The following SMARCC1 variants were observed in gnomAD, a reference collection of about 807,000 sequenced individuals.
SMARCC1 encodes the protein SWI/SNF complex subunit SMARCC1.
In SMARCC1, 43 loss-of-function variants were observed where a neutral mutation model predicts 147.4. The observed-to-expected ratio is 0.29, with a 90% CI of 0.23 to 0.38. SMARCC1 has a LOEUF of 0.38. Ranked by LOEUF, SMARCC1 falls within the 10% of genes least tolerant of loss-of-function variation. SMARCC1 has a pLI of 1.00. For missense variants in SMARCC1, 1,119 were observed against 1,381.1 expected (o/e 0.81, Z 3.01); for synonymous variants, 495 against 484.4 (o/e 1.02, Z -0.29).
intron 21 of SMARCC1, among the ~76,000 whole-genome samples, chr3:47,640,594 T>C (rs982265097): frequency 6.6e-6 from 1 of 152,132 alleles, no homozygotes; most frequent in East Asian, 1.9e-4. Context: ...GAAACAACTA[T>C]AAAACTTAAA....
intron 1 of SMARCC1, 128 bp downstream of exon 1, chr3:47,781,475 C>T: frequency 1.8e-6 from 1 of 563,464 alleles, no homozygotes; most frequent in Non-Finnish European, 2.6e-6. Flanking sequence ...GCGTGGCGGG[C>T]CCGGCGCCTG....
chr3:47,750,787 T>C (rs1254475482), intron 2 of SMARCC1, among the ~76,000 whole-genome samples: 1 of 152,168 alleles, frequency 6.6e-6, no homozygotes, highest in East Asian at 1.9e-4. Context: ...CTCAGAAATA[T>C]ATACTGAGCT....
At chr3:47,617,150 T>C (rs2032657202) in intron 25 of SMARCC1, among the ~76,000 whole-genome samples, 2 of 152,352 alleles carry the variant, frequency 1.3e-5, no homozygotes, top group Non-Finnish European at 1.5e-5. Context: ...AAGTACTAGA[T>C]AAATACAAAG....
intron 2 of SMARCC1, among the ~76,000 whole-genome samples, chr3:47,755,176 A>G (rs2034680860): frequency 6.6e-6 from 1 of 152,142 alleles, no homozygotes; most frequent in African/African-American, 2.4e-5. Flanking sequence ...GCACCACTGC[A>G]CTTCAGTCTG....
At chr3:47,738,292 A>T (rs2034469494) in intron 3 of SMARCC1, among the ~76,000 whole-genome samples, 182 bp from the exon 4 acceptor site, 1 of 152,202 alleles carries the variant, frequency 6.6e-6, no homozygotes, top group Non-Finnish European at 1.5e-5. Context: ...TATAAAAGAG[A>T]TATTAAGATC....
intron 2 of SMARCC1, among the ~76,000 whole-genome samples, chr3:47,759,642 A>G (rs1486364172): frequency 2.7e-5 from 4 of 149,882 alleles, no homozygotes; most frequent in Non-Finnish European, 5.9e-5. Flanking sequence ...AAAAAGAAAA[A>G]GAAAAAATTT....
At chr3:47,711,637 T>G (rs1489761133) in intron 8 of SMARCC1, among the ~76,000 whole-genome samples, 1 of 152,192 alleles carries the variant, frequency 6.6e-6, no homozygotes, top group Non-Finnish European at 1.5e-5. Context: ...ACTGTGGCAA[T>G]GACTAGAAAA....
intron 1 of SMARCC1, among the ~76,000 whole-genome samples, chr3:47,780,155 T>C (rs573409519): frequency 1.5e-5 from 2 of 136,520 alleles, no homozygotes; most frequent in South Asian, 4.7e-4. Flanking sequence ...TTCTGGGTCT[T>C]TGGTTTTTTT....
Position 47,678,101 on chromosome 3 carries a change from C to G in SMARCC1, c.1571+97G>C, listed in dbSNP as rs922552031. 12 of 568,630 alleles carry G rather than the reference C, an allele frequency of 2.1e-5. No homozygotes were observed. In the African/African-American group the frequency reaches 2.1e-4, roughly 10 times the overall value. The allele number at this position is 568,630 out of a possible 1,614,324, so 35.2% of individuals were successfully genotyped here. A position where few individuals can be genotyped will look rare whatever the true frequency, so the allele number is the denominator to read the frequency against. ...GGCATAACTAAAATTAGGTGTTTTA[C>G]CCAGTTGAAACAACCAGTTTAATCA... On this transcript the variant is annotated intron_variant, in intron 16 of 27. Coordinates refer to ENST00000254480, the MANE Select transcript of SMARCC1 (RefSeq NM_003074.4).
intron 7 of SMARCC1, among the ~76,000 whole-genome samples, chr3:47,716,023 A>C (rs1250862103): frequency 6.6e-6 from 1 of 151,810 alleles, no homozygotes; most frequent in African/African-American, 2.4e-5. Flanking sequence ...CACTGTGAAT[A>C]TCACTATACT....
At chr3:47,663,506 G>T in intron 19 of SMARCC1, 1 of 705,938 alleles carries the variant, frequency 1.4e-6, no homozygotes, top group East Asian at 2.6e-5. Flanking sequence ...AGCTACTCAG[G>T]GGGCTGAGGC....
intron 25 of SMARCC1, among the ~76,000 whole-genome samples, chr3:47,619,385 G>GTATA (rs1223828106): frequency 6.6e-6 from 1 of 152,212 alleles, no homozygotes; most frequent in East Asian, 1.9e-4. Context: ...CCCTCAAAAA[G>GTATA]TATATACTCT....
chr3:47,664,122 G>A (rs1312777230), intron 19 of SMARCC1, among the ~76,000 whole-genome samples: 2 of 146,192 alleles, frequency 1.4e-5, no homozygotes, highest in African/African-American at 2.5e-5. Context: ...TTGTTTGAAT[G>A]TTACATACTT....
intron 21 of SMARCC1, among the ~76,000 whole-genome samples, chr3:47,648,433 C>CTGGA (rs1421363670): frequency 2.0e-5 from 3 of 152,148 alleles, no homozygotes; most frequent in African/African-American, 7.2e-5. Context: ...GTCACCCAGG[C>CTGGA]TGGAGTACAG....
Position 47,710,814 on chromosome 3 carries a change from A to G in SMARCC1, c.793-6T>C. Reference sequence around the variant, plus strand: ...AAAATCCATTTCACATGAACCTAAAACCATATCAAAGCATCAATATCTACA... The same window carrying G: ...AAAATCCATTTCACATGAACCTAAAGCCATATCAAAGCATCAATATCTACA... On this transcript the variant is annotated splice_region_variant and splice_polypyrimidine_tract_variant and intron_variant, in intron 8 of 27. Transcript: ENST00000254480. 3 of 1,601,194 alleles carry G rather than the reference A, an allele frequency of 1.9e-6. No homozygotes were observed. Among genetic ancestry groups the G allele is most frequent in the East Asian group, 2.2e-5 (1 of 44,582 alleles).
chr3:47,713,119 G>A (rs2034110121), intron 8 of SMARCC1, among the ~76,000 whole-genome samples: 1 of 151,894 alleles, frequency 6.6e-6, no homozygotes, highest in Non-Finnish European at 1.5e-5. Flanking sequence ...TCAGGAGATC[G>A]AGACCATCCT....
intron 10 of SMARCC1, among the ~76,000 whole-genome samples, chr3:47,702,038 A>G (rs560313266): frequency 5.1e-4 from 77 of 152,230 alleles, no homozygotes; most frequent in African/African-American, 1.8e-3. Context: ...TAAGATTATA[A>G]GCAATCACAT....
At chr3:47,613,982 G>GGGGT (rs1553674220) in intron 25 of SMARCC1, among the ~76,000 whole-genome samples, 1 of 135,798 alleles carries the variant, frequency 7.4e-6, no homozygotes, top group Non-Finnish European at 1.6e-5. Context: ...AGCAGGGAGG[G>GGGGT]GGGTGGGAAA....
intron 2 of SMARCC1, among the ~76,000 whole-genome samples, chr3:47,749,840 T>G (rs2034609609): frequency 6.6e-6 from 1 of 151,722 alleles, no homozygotes; most frequent in Non-Finnish European, 1.5e-5. Flanking sequence ...CCGAGCACTT[T>G]GGGAGGCCGA....
Sources: gnomAD v4.1 joint callset for allele counts (sites outside exome capture counted in the v4.1 genomes callset) on GRCh38, gnomAD v4.1.1 for gene constraint, MANE v1.5 for transcripts, NCBI Gene and HGNC (gene_info 2026-07-23, HGNC 2026-07-21) for gene names.